The following POFUT3 variants were observed in gnomAD, a reference collection of about 807,000 sequenced individuals.
The protein encoded by POFUT3 is GDP-fucose protein O-fucosyltransferase 3.
the POFUT3 span, among the ~76,000 whole-genome samples, chr8:33,444,549 G>A: frequency 6.6e-6 from 1 of 152,066 alleles, no homozygotes; most frequent in Non-Finnish European, 1.5e-5. Flanking sequence ...CGGGCGCAGT[G>A]GCTCACACCT....
the POFUT3 span, among the ~76,000 whole-genome samples, chr8:33,309,022 G>C: frequency 6.7e-6 from 1 of 150,372 alleles, no homozygotes. Flanking sequence ...AGCCCAGGCT[G>C]TTGCTTCCCA....
the POFUT3 span, among the ~76,000 whole-genome samples, chr8:33,463,504 CA>C: frequency 1.6e-3 from 223 of 136,014 alleles, no homozygotes; most frequent in Admixed American, 1.9e-3. Context: ...GACTGCGTCT[CA>C]AAAAAAAAAA....
chr8:33,449,392 C>T, the POFUT3 span, among the ~76,000 whole-genome samples: 157 of 138,398 alleles, frequency 1.1e-3, no homozygotes, highest in African/African-American at 3.6e-3. Context: ...CAGGTTTAAG[C>T]GATTCTTGTG....
chr8:33,453,841 C>T, the POFUT3 span, among the ~76,000 whole-genome samples: 1 of 151,894 alleles, frequency 6.6e-6, no homozygotes, highest in Non-Finnish European at 1.5e-5. Context: ...TCCCAGCTAC[C>T]TGGGAGGCTG....
chr8:33,379,976 C>T, the POFUT3 span, among the ~76,000 whole-genome samples: 1 of 92,242 alleles, frequency 1.1e-5, no homozygotes, highest in Non-Finnish European at 1.9e-5. Context: ...ACTATATATA[C>T]ACTCTATATA....
chr8:33,419,648 T>C, the POFUT3 span, among the ~76,000 whole-genome samples: 2 of 152,134 alleles, frequency 1.3e-5, no homozygotes, highest in African/African-American at 4.8e-5. Flanking sequence ...ATACATTCTA[T>C]GCATGTAACA....
chr8:33,334,988 G>A, the POFUT3 span, among the ~76,000 whole-genome samples: 1 of 152,178 alleles, frequency 6.6e-6, no homozygotes, highest in Non-Finnish European at 1.5e-5. Context: ...TAATTGTCTT[G>A]GGAGCCGACT....
the POFUT3 span, chr8:33,360,689 T>TA: frequency 6.6e-6 from 1 of 152,102 alleles, no homozygotes; most frequent in African/African-American, 2.4e-5. Context: ...AATTATAAGG[T>TA]CCCTCTACCT....
chr8:33,444,819 A>G, the POFUT3 span, among the ~76,000 whole-genome samples: 1 of 152,158 alleles, frequency 6.6e-6, no homozygotes, highest in African/African-American at 2.4e-5. Context: ...CTCCATCCCA[A>G]AAAATAATAA....
chr8:33,312,662 T>A, the POFUT3 span, among the ~76,000 whole-genome samples: 6 of 152,128 alleles, frequency 3.9e-5, no homozygotes, highest in African/African-American at 1.4e-4. Context: ...TGGTCAGCTT[T>A]TTCAGAACTG....
chr8:33,345,043 T>G, the POFUT3 span, among the ~76,000 whole-genome samples: 1 of 152,248 alleles, frequency 6.6e-6, no homozygotes, highest in African/African-American at 2.4e-5. Context: ...GACGGTGATA[T>G]AGCCAACAGG....
At chr8:33,402,026 CA>C in the POFUT3 span, among the ~76,000 whole-genome samples, 72 of 140,230 alleles carry the variant, frequency 5.1e-4, no homozygotes, top group Non-Finnish European at 8.3e-4. Context: ...ATCCTGTCTC[CA>C]AAAAAAAAAG....
the POFUT3 span, among the ~76,000 whole-genome samples, chr8:33,336,938 G>A: frequency 0.015 from 2,335 of 152,284 alleles, 58 homozygotes; most frequent in African/African-American, 0.053. Context: ...ACAGGCTCCT[G>A]TTTGACAATA....
the POFUT3 span, among the ~76,000 whole-genome samples, chr8:33,365,751 A>G: frequency 6.6e-6 from 1 of 152,212 alleles, no homozygotes; most frequent in East Asian, 1.9e-4. Context: ...AAAAGTCAGG[A>G]AACAACAGAT....
At chr8:33,331,812 A>G in the POFUT3 span, among the ~76,000 whole-genome samples, 1 of 151,844 alleles carries the variant, frequency 6.6e-6, no homozygotes, top group East Asian at 2.0e-4. Context: ...AGTAGCTGGG[A>G]CTACAGGCGC....
At chr8:33,370,471 A>G in the POFUT3 span, among the ~76,000 whole-genome samples, 12 of 152,248 alleles carry the variant, frequency 7.9e-5, no homozygotes, top group Admixed American at 7.9e-4. Context: ...CAGTCCTGTG[A>G]GGGACGTTGC....
At chr8:33,310,172 C>T in the POFUT3 span, among the ~76,000 whole-genome samples, 1 of 152,094 alleles carries the variant, frequency 6.6e-6, no homozygotes, top group African/African-American at 2.4e-5. Flanking sequence ...CTTCTTATGA[C>T]TCCTATCTTT....
the POFUT3 span, among the ~76,000 whole-genome samples, chr8:33,422,035 C>CAAAAA: frequency 6.6e-6 from 1 of 151,176 alleles, no homozygotes; most frequent in Non-Finnish European, 1.5e-5. Context: ...AAAACAAAAA[C>CAAAAA]AAAAACAAAA....
At chr8:33,437,810 A>C in the POFUT3 span, among the ~76,000 whole-genome samples, 2 of 152,132 alleles carry the variant, frequency 1.3e-5, no homozygotes. Context: ...ACTCCATCTC[A>C]AAAAAGAGAA....
Sources: gnomAD v4.1 joint callset for allele counts (sites outside exome capture counted in the v4.1 genomes callset) on GRCh38, gnomAD v4.1.1 for gene constraint, MANE v1.5 for transcripts, NCBI Gene and HGNC (gene_info 2026-07-23, HGNC 2026-07-21) for gene names.